Variants in SLC22A23 observed in about 807,000 individuals in gnomAD.
The protein encoded by SLC22A23 is ion transporter protein.
SLC22A23 carries 26 observed loss-of-function variants against 61.0 expected under a neutral mutation model. The observed-to-expected ratio is 0.43, with a 90% CI of 0.31 to 0.59. The LOEUF is 0.59. SLC22A23 is among the 20% of genes least tolerant of loss of function. The pLI is 0.11. For missense variants in SLC22A23, 796 were observed against 934.7 expected, an observed-to-expected ratio of 0.85 and a Z score of 1.94; for synonymous variants, 430 against 413.9, an observed-to-expected ratio of 1.04 and a Z score of -0.47.
At position 3,329,916 on chromosome 6, in the gene SLC22A23, G is replaced by T. The variant is rs947576266; in HGVS notation, c.914-5914C>A. ...GGAAAGGACAGCGTCTGCCCACACT[G>T]CTCAGGCTCCTAAATTAAACACAAT... On this transcript the variant is annotated intron_variant, in intron 3 of 9. Transcript: ENST00000406686. The surrounding 1 kb of genome is among the most constrained non-coding windows in gnomAD (Gnocchi z 4.8). 6.6e-6 allele frequency among the ~76,000 whole-genome samples: 1 copy of T among 152,212 alleles called. No individual in the cohort carries two copies. The highest frequency in any genetic ancestry group is 2.4e-5 in the African/African-American group (1 of 41,462).
rs898116375 is a variant in SLC22A23 at position 3,390,102 on chromosome 6, G to A, written c.913+20086C>T. Reference sequence around the variant, plus strand: ...ATCACTGGGCCAGTTGCCACCATCCGTCCGTGGGCTCATCCGGAACAGCAA... The same window carrying A: ...ATCACTGGGCCAGTTGCCACCATCCATCCGTGGGCTCATCCGGAACAGCAA... On this transcript the variant is annotated intron_variant, in intron 3 of 9. Coordinates refer to ENST00000406686, the MANE Select transcript of SLC22A23 (RefSeq NM_015482.2). The surrounding 1 kb of genome is among the most constrained non-coding windows in gnomAD (Gnocchi z 4.0). Among the ~76,000 whole-genome samples the A allele has an allele frequency of 3.8e-4, 58 of 152,166 alleles. No homozygotes were observed. Among genetic ancestry groups the A allele is most frequent in the African/African-American group, 4.3e-4 (18 of 41,436 alleles).
chr6:3,413,559 T>C (rs562051903), intron 2 of SLC22A23, among the ~76,000 whole-genome samples: 2 of 152,360 alleles, frequency 1.3e-5, no homozygotes, highest in African/African-American at 2.4e-5. Flanking sequence ...CCACCTGAGC[T>C]AGCAGATTCT....
intron 5 of SLC22A23, chr6:3,291,283 C>T (rs1165509058): frequency 6.6e-6 from 1 of 152,228 alleles, no homozygotes; most frequent in Non-Finnish European, 1.5e-5. Flanking sequence ...CCTCCTCTTC[C>T]ACCTCCTTCC....
At chr6:3,343,663 TGTCGAAAGACCCTA>T (rs1764272310) in intron 3 of SLC22A23, among the ~76,000 whole-genome samples, 1 of 152,174 alleles carries the variant, frequency 6.6e-6, no homozygotes, top group Non-Finnish European at 1.5e-5. Context: ...GCCGGCCAAA[TGTCGAAAGACCCTA>T]GGTCGCTCTT....
intron 3 of SLC22A23, among the ~76,000 whole-genome samples, chr6:3,373,649 AGAAGAAGAAAG>A (rs1299889765): frequency 6.6e-6 from 1 of 152,206 alleles, no homozygotes; most frequent in Non-Finnish European, 1.5e-5. Context: ...AAAAGAAAGA[AGAAGAAGAAAG>A]GAAGAAGAAA....
At chr6:3,404,074 G>T (rs1768624134) in intron 3 of SLC22A23, among the ~76,000 whole-genome samples, 1 of 152,134 alleles carries the variant, frequency 6.6e-6, no homozygotes, top group South Asian at 2.1e-4. Context: ...ATTCCAGTCT[G>T]GAAAAAACCT....
rs1330090896 is a variant in SLC22A23, at chr6:3,324,614, A to G, written c.914-612T>C. Among the ~76,000 whole-genome samples the G allele has an allele frequency of 4.6e-5, 7 of 152,116 alleles. No individual in the cohort carries two copies. Among genetic ancestry groups the G allele is most frequent in the Non-Finnish European group, 1.0e-4 (7 of 68,032 alleles). ...TATCTATTAAACAAGACAAAAACCA[A>G]CAATAAGGCTGACTCAGATCATATA... On this transcript the variant is annotated intron_variant, in intron 3 of 9. Coordinates refer to ENST00000406686, the MANE Select transcript of SLC22A23 (RefSeq NM_015482.2). This position sits in a 1 kb window ranked among gnomAD's most constrained non-coding sequence, Gnocchi z 4.3.
intron 3 of SLC22A23, among the ~76,000 whole-genome samples, chr6:3,401,342 C>T (rs186108022): frequency 6.6e-6 from 1 of 151,418 alleles, no homozygotes; most frequent in African/African-American, 2.4e-5. Flanking sequence ...CATCTCAAAA[C>T]AAAAACAAAA....
Position 3,456,590 on chromosome 6 carries a change from A to G in SLC22A23, c.-31T>C, listed in dbSNP as rs1772422141. On this transcript the variant is annotated 5_prime_UTR_variant, in exon 1 of 10. It removes an upstream start codon present in the reference 5' UTR. Coordinates refer to ENST00000406686, the MANE Select transcript of SLC22A23 (RefSeq NM_015482.2). The surrounding 1 kb of genome is among the most constrained non-coding windows in gnomAD (Gnocchi z 7.1). ...GGGCCCGCGGCTCCCGCAGAGGCGC[A>G]TAGAGCGCGGCGGAGGCTCCGCGGG... 1.0e-6 allele frequency: 1 copy of G among 981,042 alleles called. No homozygotes were observed. Among genetic ancestry groups the G allele is most frequent in the Non-Finnish European group, 1.2e-6 (1 of 828,974 alleles). 60.8% of individuals were successfully genotyped at this position (981,042 alleles called of 1,614,324 possible). A position where few individuals can be genotyped will look rare whatever the true frequency, so the allele number is the denominator to read the frequency against.
chr6:3,416,241 G>C (rs78978400), intron 1 of SLC22A23, among the ~76,000 whole-genome samples: 1 of 152,362 alleles, frequency 6.6e-6, no homozygotes, highest in Non-Finnish European at 1.5e-5. Context: ...CCCAGGGGCT[G>C]GGAGACCCTG....
At chr6:3,356,938 G>C (rs112693838) in intron 3 of SLC22A23, among the ~76,000 whole-genome samples, 2 of 151,834 alleles carry the variant, frequency 1.3e-5, no homozygotes, top group African/African-American at 4.8e-5. Context: ...AGAGGCGCAG[G>C]CTTCTAGATC....
chr6:3,427,857 C>G lies in SLC22A23; in HGVS notation c.655-12002G>C, dbSNP rs1203346381. Among the ~76,000 whole-genome samples the G allele has an allele frequency of 6.6e-6, 1 of 152,226 alleles. No homozygotes were observed. Among genetic ancestry groups the G allele is most frequent in the Non-Finnish European group, 1.5e-5 (1 of 68,038 alleles). ...ACACCGTGCCAAACTGGCAGCATGA[C>G]AGCAGAGTGTGACTGTGCAGGCTGG... On this transcript the variant is annotated intron_variant, in intron 1 of 9. Coordinates refer to ENST00000406686, the MANE Select transcript of SLC22A23 (RefSeq NM_015482.2). This position sits in a 1 kb window ranked among gnomAD's most constrained non-coding sequence, Gnocchi z 4.3.
At chr6:3,279,533 A>G (rs941461397) in intron 9 of SLC22A23, among the ~76,000 whole-genome samples, 2 of 147,462 alleles carry the variant, frequency 1.4e-5, no homozygotes, top group African/African-American at 5.1e-5. Flanking sequence ...AAAAAAAAAA[A>G]AAATCCTTGA....
chr6:3,355,134 C>CT (rs1489077511), intron 3 of SLC22A23, among the ~76,000 whole-genome samples: 1 of 151,714 alleles, frequency 6.6e-6, no homozygotes, highest in Non-Finnish European at 1.5e-5. Context: ...CTCCTACCCT[C>CT]TATCTGCTTG....
intron 1 of SLC22A23, among the ~76,000 whole-genome samples, chr6:3,422,078 T>C (rs1309343496): frequency 6.6e-6 from 1 of 152,208 alleles, no homozygotes; most frequent in Non-Finnish European, 1.5e-5. Flanking sequence ...GTTTTAAAGC[T>C]GAGCAGTGTC....
At chr6:3,452,615 A>T (rs1227999065) in intron 1 of SLC22A23, among the ~76,000 whole-genome samples, 14 of 81,586 alleles carry the variant, frequency 1.7e-4, no homozygotes, top group Non-Finnish European at 2.4e-4. Context: ...AAAAAAAAAA[A>T]AAAAAAAAAA....
In SLC22A23 at chr6:3,324,185, G is replaced by A; in HGVS notation, c.914-183C>T. 1 of 656,332 alleles carries A rather than the reference G, an allele frequency of 1.5e-6. No homozygotes were observed. The highest frequency in any genetic ancestry group is 2.6e-6 in the Non-Finnish European group (1 of 388,638). 40.7% of individuals were successfully genotyped at this position (656,332 alleles called of 1,614,324 possible). A position where few individuals can be genotyped will look rare whatever the true frequency, so the allele number is the denominator to read the frequency against. ...TTACGGGCGCGTTGAGGCTCCAACT[G>A]GGAAGGGAAGTGAGACGGTTGTTCA... On this transcript the variant is annotated intron_variant, in intron 3 of 9. Transcript: ENST00000406686. The surrounding 1 kb of genome is among the most constrained non-coding windows in gnomAD (Gnocchi z 4.3).
At chr6:3,325,004 C>T (rs1172657320) in intron 3 of SLC22A23, among the ~76,000 whole-genome samples, 2 of 152,178 alleles carry the variant, frequency 1.3e-5, no homozygotes, top group Admixed American at 6.5e-5. Context: ...ATTTTCCCTA[C>T]AGAGCATGTA....
rs1435417718 is a variant in SLC22A23, at chr6:3,386,754, C to T, written c.913+23434G>A. ...GGTGGAGGCGGCAGTGGGACTGGGT[C>T]TCCCACCCAGGGCACCACTGGAAGG... is the stretch of plus-strand genomic sequence containing the variant. On this transcript the variant is annotated intron_variant, in intron 3 of 9. Coordinates refer to ENST00000406686, the MANE Select transcript of SLC22A23 (RefSeq NM_015482.2). This position sits in a 1 kb window ranked among gnomAD's most constrained non-coding sequence, Gnocchi z 4.4. 1.3e-5 allele frequency among the ~76,000 whole-genome samples: 2 copies of T among 152,220 alleles called. No homozygotes were observed. The highest frequency in any genetic ancestry group is 1.9e-4 in the East Asian group (1 of 5,188).
Sources: gnomAD v4.1 joint callset for allele counts (sites outside exome capture counted in the v4.1 genomes callset) on GRCh38, gnomAD v4.1.1 for gene constraint, Gnocchi (gnomAD v3.1) non-coding constraint, MANE v1.5 for transcripts, NCBI Gene and HGNC (gene_info 2026-07-23, HGNC 2026-07-21) for gene names.